The following NAV3 variants were observed in gnomAD, a reference collection of about 807,000 sequenced individuals.
The protein encoded by NAV3 is neuron navigator 3.
NAV3 carries 87 observed loss-of-function variants against 244.7 expected under a neutral mutation model. That is an observed-to-expected ratio of 0.36 (90% CI 0.30 to 0.42). The LOEUF (loss-of-function observed/expected upper bound fraction) is 0.42, where lower values mean the gene tolerates loss of function less well. NAV3 is among the 20% of genes least tolerant of loss of function. The probability of loss-of-function intolerance (pLI) is 1.00; values close to 1 mark genes in which losing one functional copy is unlikely to be tolerated. For synonymous variants in NAV3, 1,126 were observed against 1,042.2 expected (o/e 1.08, Z -1.55); for missense variants, 2,663 against 2,893.3 (o/e 0.92, Z 1.83).
intron 20 of NAV3, chr12:78,143,508 G>T (rs962626904): frequency 1.0e-5 from 3 of 300,774 alleles, no homozygotes; most frequent in South Asian, 7.3e-5. Context: ...GCATACGTCT[G>T]TAATCCCAGC....
chr12:77,692,870 A>T (rs999584185), intron 2 of NAV3, among the ~76,000 whole-genome samples: 4 of 152,228 alleles, frequency 2.6e-5, no homozygotes, highest in African/African-American at 9.6e-5. Context: ...GCTGTGGAAT[A>T]GAATAATATA....
intron 2 of NAV3, among the ~76,000 whole-genome samples, chr12:77,691,337 G>GTATA (rs1182535904): frequency 1.9e-5 from 2 of 104,254 alleles, no homozygotes; most frequent in African/African-American, 3.5e-5. Context: ...GTGTATGTGT[G>GTATA]TATATATATA....
chr12:77,889,876 G>A (rs146935316), intron 1 of NAV3, among the ~76,000 whole-genome samples: 1 of 151,988 alleles, frequency 6.6e-6, no homozygotes, highest in South Asian at 2.1e-4. Flanking sequence ...TATTTTTCAG[G>A]GTATACATAG....
intron 38 of NAV3, among the ~76,000 whole-genome samples, chr12:78,204,565 A>AT (rs975062890): frequency 6.6e-6 from 1 of 151,988 alleles, no homozygotes; most frequent in East Asian, 1.9e-4. Context: ...TATCAAGCAT[A>AT]TTTTTTAAAA....
chr12:77,654,922 C>G (rs1256540085), intron 2 of NAV3, among the ~76,000 whole-genome samples: 1 of 103,828 alleles, frequency 9.6e-6, no homozygotes, highest in Non-Finnish European at 1.8e-5. Flanking sequence ...GGAAAACTAA[C>G]AAACAGAAAG....
intron 12 of NAV3, among the ~76,000 whole-genome samples, chr12:78,072,122 A>C (rs976770882): frequency 6.6e-6 from 1 of 151,416 alleles, no homozygotes; most frequent in Non-Finnish European, 1.5e-5. Context: ...CACAATTAAA[A>C]GAACTAGAAA....
At chr12:78,162,052 G>A (rs1235426368) in intron 23 of NAV3, among the ~76,000 whole-genome samples, 1 of 152,026 alleles carries the variant, frequency 6.6e-6, no homozygotes, top group African/African-American at 2.4e-5. Flanking sequence ...AAACTCTTTG[G>A]CACTAAATTC....
intron 2 of NAV3, among the ~76,000 whole-genome samples, chr12:77,722,061 C>G (rs1243414862): frequency 6.6e-6 from 1 of 152,038 alleles, no homozygotes; most frequent in Non-Finnish European, 1.5e-5. Context: ...ACTGAAAACC[C>G]CAACTCAATT....
At chr12:77,939,432 A>C (rs962524092) in intron 1 of NAV3, among the ~76,000 whole-genome samples, 18 of 152,214 alleles carry the variant, frequency 1.2e-4, no homozygotes, top group African/African-American at 3.8e-4. Context: ...TTCTCATTTC[A>C]AATATTTTGT....
At chr12:78,160,162 TA>T (rs1338133095) in intron 23 of NAV3, among the ~76,000 whole-genome samples, 2 of 151,980 alleles carry the variant, frequency 1.3e-5, no homozygotes, top group Non-Finnish European at 1.5e-5. Flanking sequence ...AAAATGAACC[TA>T]AAGGATTTTA....
intron 1 of NAV3, among the ~76,000 whole-genome samples, chr12:77,851,548 T>A (rs1040510585): frequency 6.6e-6 from 1 of 151,928 alleles, no homozygotes; most frequent in Non-Finnish European, 1.5e-5. Context: ...TCAATAATAT[T>A]AAGCAATCAA....
At chr12:77,803,901 T>C (rs1871840148) in intron 2 of NAV3, among the ~76,000 whole-genome samples, 1 of 152,230 alleles carries the variant, frequency 6.6e-6, no homozygotes, top group Non-Finnish European at 1.5e-5. Context: ...TCTTTTCATA[T>C]GTTTTTTGGC....
At chr12:77,778,689 G>T (rs1445804602) in intron 2 of NAV3, among the ~76,000 whole-genome samples, 3 of 151,492 alleles carry the variant, frequency 2.0e-5, no homozygotes, top group African/African-American at 7.3e-5. Flanking sequence ...TAAAGCAAGA[G>T]CTTTGCTGGA....
intron 3 of NAV3, among the ~76,000 whole-genome samples, chr12:77,957,583 A>C (rs1891481479): frequency 2.0e-5 from 3 of 152,256 alleles, no homozygotes; most frequent in African/African-American, 7.2e-5. Flanking sequence ...ACAGCTTAAA[A>C]TGTATGAGTT....
At chr12:78,050,654 A>T in intron 10 of NAV3, 110 bp from the exon 11 acceptor site, 1 of 1,101,246 alleles carries the variant, frequency 9.1e-7, no homozygotes, top group South Asian at 1.6e-5. Context: ...CGGGAAGATG[A>T]CGTGTTTATA....
At chr12:77,664,522 T>C (rs1319698181) in intron 2 of NAV3, among the ~76,000 whole-genome samples, 2 of 152,184 alleles carry the variant, frequency 1.3e-5, no homozygotes, top group African/African-American at 4.8e-5. Flanking sequence ...TCATTAATAA[T>C]GACAAACATG....
At chr12:77,626,179 G>A (rs967543550) in intron 2 of NAV3, among the ~76,000 whole-genome samples, 1 of 151,788 alleles carries the variant, frequency 6.6e-6, no homozygotes, top group Non-Finnish European at 1.5e-5. Flanking sequence ...GCTTCAGGAA[G>A]GATGAGATTA....
At chr12:77,964,491 T>C (rs763699054) in intron 3 of NAV3, among the ~76,000 whole-genome samples, 4 of 152,224 alleles carry the variant, frequency 2.6e-5, no homozygotes, top group Non-Finnish European at 5.9e-5. Flanking sequence ...TACTAATTTT[T>C]AATGGATCTT....
chr12:78,089,721 T>G (rs993895545), intron 12 of NAV3, among the ~76,000 whole-genome samples: 3 of 152,168 alleles, frequency 2.0e-5, no homozygotes, highest in Admixed American at 6.5e-5. Context: ...CATGTGTAAG[T>G]TGATACTTGT....
Sources: gnomAD v4.1 joint callset for allele counts (sites outside exome capture counted in the v4.1 genomes callset) on GRCh38, gnomAD v4.1.1 for gene constraint, MANE v1.5 for transcripts, NCBI Gene and HGNC (gene_info 2026-07-23, HGNC 2026-07-21) for gene names.